DCC: variants seen among roughly 807,000 people sequenced by gnomAD.
DCC encodes DCC netrin 1 receptor, also known as netrin receptor DCC.
Under a neutral mutation model 172.5 loss-of-function variants are expected in DCC, and 58 were observed. The observed-to-expected ratio is 0.34, with a 90% confidence interval of 0.27 to 0.42. The LOEUF (loss-of-function observed/expected upper bound fraction) is 0.42, where lower values mean the gene tolerates loss of function less well. DCC is among the 10% of genes least tolerant of loss of function. DCC has a pLI of 1.00. For missense variants in DCC, 1,740 were observed against 1,791.0 expected, an observed-to-expected ratio of 0.97 and a Z score of 0.51; for synonymous variants, 709 against 644.5, an observed-to-expected ratio of 1.10 and a Z score of -1.52.
intron 1 of DCC, among the ~76,000 whole-genome samples, chr18:52,531,973 C>A (rs1382922753): frequency 6.6e-6 from 1 of 152,154 alleles, no homozygotes; most frequent in Non-Finnish European, 1.5e-5. Flanking sequence ...CTTCTGTGAG[C>A]CAATCTCATT....
At chr18:53,063,930 C>T (rs887203471) in intron 6 of DCC, among the ~76,000 whole-genome samples, 1 of 152,012 alleles carries the variant, frequency 6.6e-6, no homozygotes, top group Admixed American at 6.6e-5. Context: ...CCCTGTAGGA[C>T]CAGCTTATCC....
In DCC at chr18:53,438,652, G is replaced by A. The variant is rs149739206; in HGVS notation, c.3229+3443G>A. ...AAAAGTTTGTTGTTGACTATTTGAAGTTGCTATTCAAATTAAAATAAATTT... is the reference window on the plus strand; with the variant it reads ...AAAAGTTTGTTGTTGACTATTTGAAATTGCTATTCAAATTAAAATAAATTT... On this transcript the variant is annotated intron_variant, in intron 22 of 28. Transcript: ENST00000442544. Among the ~76,000 whole-genome samples, 1,076 of 152,266 alleles carry A rather than the reference G, an allele frequency of 7.1e-3. 17 individuals carry two copies. Among genetic ancestry groups the A allele is most frequent in the Admixed American group, 0.026 (396 of 15,302 alleles).
intron 1 of DCC, among the ~76,000 whole-genome samples, chr18:52,534,802 G>A (rs1318699888): frequency 6.6e-6 from 1 of 152,004 alleles, no homozygotes; most frequent in Non-Finnish European, 1.5e-5. Context: ...GCATTATTTT[G>A]AAAACATAAT....
chr18:52,930,251 C>T (rs780056184), intron 5 of DCC, among the ~76,000 whole-genome samples: 2 of 152,100 alleles, frequency 1.3e-5, no homozygotes, highest in Non-Finnish European at 2.9e-5. Flanking sequence ...AGGCATGAGC[C>T]ATCGCACCCA....
intron 12 of DCC, among the ~76,000 whole-genome samples, chr18:53,235,455 T>A (rs1361591086): frequency 6.6e-6 from 1 of 152,224 alleles, no homozygotes; most frequent in Non-Finnish European, 1.5e-5. Flanking sequence ...ACTATTTCTT[T>A]CTGCAGATTC....
At chr18:53,386,634 A>G (rs1310356262) in intron 16 of DCC, among the ~76,000 whole-genome samples, 1 of 152,130 alleles carries the variant, frequency 6.6e-6, no homozygotes, top group Non-Finnish European at 1.5e-5. Context: ...CATATGTGGT[A>G]TCTTCCTGAG....
At chr18:53,090,744 G>A (rs545986438) in intron 7 of DCC, among the ~76,000 whole-genome samples, 188 of 70,370 alleles carry the variant, frequency 2.7e-3, no homozygotes, top group African/African-American at 8.0e-3. Context: ...AGAATGTATC[G>A]TGTTTCTTGA....
chr18:53,407,528 GATATAT>G lies in DCC; in HGVS notation c.2936-2901_2936-2896del, dbSNP rs74180422. Among the ~76,000 whole-genome samples the G allele has an allele frequency of 6.7e-3, 787 of 117,436 alleles. 6 individuals carry two copies. The highest frequency in any genetic ancestry group is 8.3e-3 in the African/African-American group (278 of 33,656). The allele number at this position is 117,436 out of a possible 152,430, so 77.0% of individuals were successfully genotyped here. On this transcript the variant is annotated intron_variant, in intron 19 of 28. Coordinates refer to ENST00000442544, the MANE Select transcript of DCC (RefSeq NM_005215.4). ...TATATCTCCAGTGATTTTTATTCTGGATATATATATATATATATATATATATATTCA... is the reference window on the plus strand; with the variant it reads ...TATATCTCCAGTGATTTTTATTCTGGATATATATATATATATATATATTCA...
At chr18:52,613,636 G>A (rs2034317978) in intron 1 of DCC, among the ~76,000 whole-genome samples, 1 of 152,098 alleles carries the variant, frequency 6.6e-6, no homozygotes, top group South Asian at 2.1e-4. Flanking sequence ...CATAGAGTTG[G>A]TATCTAGTAG....
intron 23 of DCC, among the ~76,000 whole-genome samples, chr18:53,450,992 C>G (rs2045405003): frequency 6.6e-6 from 1 of 152,184 alleles, no homozygotes; most frequent in South Asian, 2.1e-4. Flanking sequence ...TTCTGGCCTT[C>G]CCTGAAATCA....
intron 1 of DCC, among the ~76,000 whole-genome samples, chr18:52,494,848 A>G (rs1480771289): frequency 6.6e-5 from 10 of 152,084 alleles, no homozygotes; most frequent in Admixed American, 6.6e-4. Flanking sequence ...TAGTAATATT[A>G]TCCTGTATCT....
At chr18:52,379,336 A>G (rs1385401815) in intron 1 of DCC, among the ~76,000 whole-genome samples, 3 of 152,088 alleles carry the variant, frequency 2.0e-5, no homozygotes, top group Admixed American at 6.6e-5. Context: ...TTGGCATCTA[A>G]AAGATCTGAT....
intron 1 of DCC, among the ~76,000 whole-genome samples, chr18:52,411,804 G>A (rs917983853): frequency 2.6e-5 from 4 of 152,102 alleles, no homozygotes; most frequent in African/African-American, 7.2e-5. Flanking sequence ...ATCACGAGAC[G>A]AAATAGATCG....
chr18:52,892,956 C>G (rs1452996050), intron 2 of DCC, among the ~76,000 whole-genome samples: 3 of 151,942 alleles, frequency 2.0e-5, no homozygotes, highest in African/African-American at 7.3e-5. Context: ...GGATTTCTGG[C>G]TTCTTATTTT....
At chr18:53,096,603 A>G (rs576556144) in intron 7 of DCC, among the ~76,000 whole-genome samples, 1 of 152,276 alleles carries the variant, frequency 6.6e-6, no homozygotes, top group Non-Finnish European at 1.5e-5. Flanking sequence ...TAAGGCAATT[A>G]AAGACATCAA....
chr18:53,293,067 C>T (rs2057024167), intron 12 of DCC, among the ~76,000 whole-genome samples: 1 of 152,120 alleles, frequency 6.6e-6, no homozygotes, highest in South Asian at 2.1e-4. Flanking sequence ...TTTCTAAGCC[C>T]TTTCTCATCG....
intron 1 of DCC, among the ~76,000 whole-genome samples, chr18:52,503,921 C>A (rs2031125575): frequency 6.6e-6 from 1 of 152,090 alleles, no homozygotes; most frequent in South Asian, 2.1e-4. Flanking sequence ...CCCTTCTCTG[C>A]CATGGGGAAA....
At chr18:53,322,227 A>C (rs141773937) in intron 14 of DCC, 70 bp downstream of exon 14, 1 of 885,806 alleles carries the variant, frequency 1.1e-6, no homozygotes, top group Non-Finnish European at 1.9e-6. Context: ...AGGTCTCTTA[A>C]AAAAGGAATG....
At chr18:53,403,183 T>C (rs796372878) in intron 19 of DCC, among the ~76,000 whole-genome samples, 45 of 152,248 alleles carry the variant, frequency 3.0e-4, no homozygotes, top group African/African-American at 1.0e-3. Context: ...TGTTTTTCAT[T>C]CTCTGAAGCA....
Sources: gnomAD v4.1 joint callset for allele counts (sites outside exome capture counted in the v4.1 genomes callset) on GRCh38, gnomAD v4.1.1 for gene constraint, MANE v1.5 for transcripts, NCBI Gene and HGNC (gene_info 2026-07-23, HGNC 2026-07-21) for gene names.